The following KATNIP variants were observed in gnomAD, a reference collection of about 807,000 sequenced individuals.
The protein encoded by KATNIP is katanin-interacting protein.
KATNIP carries 126 observed loss-of-function variants against 174.0 expected under a neutral mutation model. The ratio of observed to expected loss-of-function variants is 0.72; its 90% CI spans 0.63 to 0.84. The LOEUF (loss-of-function observed/expected upper bound fraction) is 0.84, where lower values mean the gene tolerates loss of function less well. Among genes scored for constraint, KATNIP ranks in the 40% least tolerant of loss-of-function variants. The probability of loss-of-function intolerance (pLI) is 0.00; values close to 1 mark genes in which losing one functional copy is unlikely to be tolerated. For synonymous variants in KATNIP, 810 were observed against 835.7 expected (o/e 0.97, Z 0.53); for missense variants, 1,958 against 2,109.7 (o/e 0.93, Z 1.41).
At chr16:27,671,266 A>G (rs2077892245) in intron 6 of KATNIP, among the ~76,000 whole-genome samples, 1 of 152,186 alleles carries the variant, frequency 6.6e-6, no homozygotes, top group Non-Finnish European at 1.5e-5. Context: ...GCATACCTAC[A>G]TGTATAGAAA....
chr16:27,757,600 T>G (rs989272311), intron 18 of KATNIP: 8 of 795,262 alleles, frequency 1.0e-5, no homozygotes, highest in Non-Finnish European at 1.1e-5. Flanking sequence ...TCAAAGACCT[T>G]TTTACTGCAA....
intron 7 of KATNIP, chr16:27,681,145 A>G: frequency 5.0e-6 from 2 of 402,016 alleles, no homozygotes; most frequent in Non-Finnish European, 9.3e-6. Context: ...GCCAGGAAAC[A>G]TTAAAATTTG....
chr16:27,765,473 T>G (rs2082090587), intron 19 of KATNIP, among the ~76,000 whole-genome samples: 1 of 152,146 alleles, frequency 6.6e-6, no homozygotes, highest in Non-Finnish European at 1.5e-5. Flanking sequence ...CCCTGGGATA[T>G]CCAGGCCATG....
rs76948003 is a variant in KATNIP, at chr16:27,722,641, A to T, written c.1743+946A>T. ...TAAGGGAAGCGATCGTTCAAGTGAG[A>T]TTATAAATAGGAATGGAGCCTCACC... On this transcript the variant is annotated intron_variant, in intron 14 of 27. Coordinates refer to ENST00000261588, the MANE Select transcript of KATNIP (RefSeq NM_015202.5). 6.0e-3 allele frequency among the ~76,000 whole-genome samples: 910 copies of T among 152,324 alleles called. 11 individuals carry two copies. Among genetic ancestry groups the T allele is most frequent in the African/African-American group, 0.021 (881 of 41,570 alleles).
At chr16:27,603,786 G>C (rs2075614873) in intron 2 of KATNIP, among the ~76,000 whole-genome samples, 2 of 150,182 alleles carry the variant, frequency 1.3e-5, no homozygotes, top group Admixed American at 1.3e-4. Flanking sequence ...GCCTAGGCTG[G>C]AGTGCAATGG....
intron 2 of KATNIP, among the ~76,000 whole-genome samples, chr16:27,595,395 A>C (rs1053185950): frequency 2.0e-5 from 3 of 152,204 alleles, no homozygotes; most frequent in Non-Finnish European, 4.4e-5. Context: ...AAACGTACTC[A>C]CATACACACA....
intron 15 of KATNIP, among the ~76,000 whole-genome samples, chr16:27,743,490 C>T (rs1001034869): frequency 3.3e-5 from 5 of 152,088 alleles, no homozygotes; most frequent in African/African-American, 1.2e-4. Flanking sequence ...AACACTGAGG[C>T]TCAGTCAGTG....
In KATNIP at chr16:27,685,655, A is replaced by G. The variant is rs8059180; in HGVS notation, c.940+4125A>G. On this transcript the variant is annotated intron_variant, in intron 8 of 27. Transcript: ENST00000261588. ...TTCCATCAGTACTCCTAAAGAGGAC[A>G]CTATTTGAGGTAGTGGAATTCTTAT... 7.3e-3 allele frequency among the ~76,000 whole-genome samples: 1,113 copies of G among 152,374 alleles called. 23 individuals are homozygous for G. The highest frequency in any genetic ancestry group is 0.025 in the African/African-American group (1,050 of 41,584).
intron 21 of KATNIP, 82 bp downstream of exon 21, chr16:27,770,100 C>A: frequency 6.8e-7 from 1 of 1,469,472 alleles, no homozygotes; most frequent in South Asian, 1.2e-5. Context: ...ATGTACATTC[C>A]GAAAGGGTTT....
chr16:27,682,486 C>T (rs1365959010), intron 8 of KATNIP, among the ~76,000 whole-genome samples: 2 of 152,060 alleles, frequency 1.3e-5, no homozygotes, highest in Non-Finnish European at 2.9e-5. Flanking sequence ...GGGGAGGATG[C>T]GAGGTGACCA....
intron 15 of KATNIP, among the ~76,000 whole-genome samples, chr16:27,743,961 A>G (rs8048320): frequency 0.037 from 5,602 of 152,256 alleles, 350 homozygotes; most frequent in African/African-American, 0.13. Flanking sequence ...GCCCAAATTC[A>G]AGAGATTTTG....
At chr16:27,670,714 T>C (rs2077864743) in intron 6 of KATNIP, among the ~76,000 whole-genome samples, 1 of 152,142 alleles carries the variant, frequency 6.6e-6, no homozygotes, top group Non-Finnish European at 1.5e-5. Context: ...CACTCCACCA[T>C]TCCCCGCCAC....
At chr16:27,565,006 C>T (rs1023451277) in intron 1 of KATNIP, among the ~76,000 whole-genome samples, 2 of 151,456 alleles carry the variant, frequency 1.3e-5, no homozygotes, top group Non-Finnish European at 2.9e-5. Flanking sequence ...TCAGGTGTTC[C>T]GCCTGCCTCG....
chr16:27,580,019 A>C (rs7199329), intron 2 of KATNIP, among the ~76,000 whole-genome samples: 118,008 of 151,784 alleles, frequency 0.78, 46,683 homozygotes, highest in South Asian at 0.9. Context: ...GGACGAGGTT[A>C]TCTCGACAGC....
chr16:27,773,081 C>A lies in KATNIP; in HGVS notation c.4199-18C>A. On this transcript the variant is annotated intron_variant, in intron 22 of 27. Coordinates refer to ENST00000261588, the MANE Select transcript of KATNIP (RefSeq NM_015202.5). ...AAAAAAAAAATTAAGCCTTCTTTTC[C>A]TTAATAAAGTGTCCCAGTCATTTTC... 1.3e-6 allele frequency: 2 copies of A among 1,485,812 alleles called. No individual in the cohort carries two copies. Among genetic ancestry groups the A allele is most frequent in the Non-Finnish European group, 1.8e-6 (2 of 1,081,478 alleles). 92.0% of individuals were successfully genotyped at this position (1,485,812 alleles called of 1,614,324 possible).
chr16:27,617,626 CCA>C (rs1343491917), intron 2 of KATNIP, among the ~76,000 whole-genome samples: 1 of 152,202 alleles, frequency 6.6e-6, no homozygotes, highest in Non-Finnish European at 1.5e-5. Flanking sequence ...AGACACAGAA[CCA>C]CAGATGTCCA....
chr16:27,755,992 T>A (rs1335847386), intron 18 of KATNIP, among the ~76,000 whole-genome samples: 1 of 152,028 alleles, frequency 6.6e-6, no homozygotes, highest in Non-Finnish European at 1.5e-5. Flanking sequence ...GTCAAGAGCC[T>A]CAGTGGTGAG....
intron 2 of KATNIP, among the ~76,000 whole-genome samples, chr16:27,615,051 C>A (rs1349546043): frequency 6.6e-6 from 1 of 152,202 alleles, no homozygotes; most frequent in Non-Finnish European, 1.5e-5. Context: ...TGAAGGCTAG[C>A]TAGAGAAGGC....
intron 1 of KATNIP, among the ~76,000 whole-genome samples, chr16:27,557,194 T>C (rs1368685297): frequency 6.6e-6 from 1 of 150,730 alleles, no homozygotes; most frequent in Non-Finnish European, 1.5e-5. Flanking sequence ...CAGGCTGGAG[T>C]ACAGTGGCGC....
Sources: gnomAD v4.1 joint callset for allele counts (sites outside exome capture counted in the v4.1 genomes callset) on GRCh38, gnomAD v4.1.1 for gene constraint, MANE v1.5 for transcripts, NCBI Gene and HGNC (gene_info 2026-07-23, HGNC 2026-07-21) for gene names.